FTO: variants seen among roughly 807,000 people sequenced by gnomAD.
FTO encodes FTO alpha-ketoglutarate dependent dioxygenase, also known as alpha-ketoglutarate-dependent dioxygenase FTO.
Under a neutral mutation model 63.9 loss-of-function variants are expected in FTO, and 47 were observed. The ratio of observed to expected loss-of-function variants is 0.74; its 90% confidence interval spans 0.58 to 0.94. The LOEUF is 0.94. Ranked by LOEUF, FTO falls within the 40% of genes least tolerant of loss-of-function variation. The pLI, the probability that FTO is intolerant of heterozygous loss-of-function variation, is 0.00. For synonymous variants in FTO, 207 were observed against 224.4 expected (o/e 0.92, Z 0.69); for missense variants, 562 against 618.1 (o/e 0.91, Z 0.96).
chr16:53,870,383 C>T (rs2080461046), intron 4 of FTO, among the ~76,000 whole-genome samples: 1 of 152,176 alleles, frequency 6.6e-6, no homozygotes, highest in South Asian at 2.1e-4. Flanking sequence ...GACTTTTTAA[C>T]TCTCAGTCCC....
chr16:53,722,742 C>T (rs759744610), intron 1 of FTO, among the ~76,000 whole-genome samples: 2 of 151,690 alleles, frequency 1.3e-5, no homozygotes, highest in South Asian at 2.1e-4. Context: ...GCGGGAGAAT[C>T]GCTTGAACCC....
At chr16:53,867,976 ATCTGC>A (rs71380049) in intron 4 of FTO, among the ~76,000 whole-genome samples, 57,403 of 151,536 alleles carry the variant, frequency 0.38, 12,370 homozygotes, top group East Asian at 0.71. Context: ...TTGCTCTGAA[ATCTGC>A]TCTGTCTGAA....
chr16:54,014,551 C>A (rs1434681414), intron 8 of FTO, among the ~76,000 whole-genome samples: 1 of 152,004 alleles, frequency 6.6e-6, no homozygotes, highest in African/African-American at 2.4e-5. Context: ...AAATAAACTT[C>A]TTTTTTTATA....
At chr16:53,715,868 T>C (rs1221390748) in intron 1 of FTO, among the ~76,000 whole-genome samples, 2 of 152,198 alleles carry the variant, frequency 1.3e-5, no homozygotes, top group African/African-American at 4.8e-5. Flanking sequence ...ACATTCTCTG[T>C]AGAGTTCATT....
At chr16:53,932,845 C>T (rs1429246710) in intron 7 of FTO, among the ~76,000 whole-genome samples, 1 of 152,160 alleles carries the variant, frequency 6.6e-6, no homozygotes, top group Non-Finnish European at 1.5e-5. Context: ...GATAAATTGC[C>T]TCAGCATTTT....
At chr16:53,825,745 A>C in intron 2 of FTO, 119 bp from the exon 3 acceptor site, 1 of 1,125,662 alleles carries the variant, frequency 8.9e-7, no homozygotes, top group Middle Eastern at 2.9e-4. Context: ...TCCTATTTAG[A>C]AATAGCCACC....
chr16:54,111,104 A>T (rs2086874282), intron 8 of FTO, among the ~76,000 whole-genome samples: 1 of 152,212 alleles, frequency 6.6e-6, no homozygotes, highest in Non-Finnish European at 1.5e-5. Context: ...ACCGTGATTT[A>T]AGTGTTTTCC....
chr16:53,722,942 G>A (rs979930320), intron 1 of FTO, among the ~76,000 whole-genome samples: 1 of 152,096 alleles, frequency 6.6e-6, no homozygotes, highest in Non-Finnish European at 1.5e-5. Flanking sequence ...CTATCACTGT[G>A]TTTTTTAAAA....
At chr16:53,895,736 T>C (rs1244543393) in intron 7 of FTO, among the ~76,000 whole-genome samples, 2 of 152,194 alleles carry the variant, frequency 1.3e-5, no homozygotes, top group African/African-American at 2.4e-5. Context: ...TCCTAGGATG[T>C]GCCTGGTACA....
intron 8 of FTO, among the ~76,000 whole-genome samples, chr16:54,061,381 A>G (rs1184345064): frequency 3.9e-5 from 6 of 152,158 alleles, no homozygotes; most frequent in Non-Finnish European, 8.8e-5. Flanking sequence ...ATTACATTAA[A>G]TTTCCCATCA....
intron 8 of FTO, chr16:53,979,541 GT>G: frequency 3.6e-6 from 1 of 279,742 alleles, no homozygotes; most frequent in Non-Finnish European, 6.3e-6. Context: ...ATGGCTGTGT[GT>G]GTGTGTGTGT....
chr16:53,802,284 G>C (rs903945669), intron 1 of FTO, among the ~76,000 whole-genome samples: 5 of 151,936 alleles, frequency 3.3e-5, no homozygotes, highest in Middle Eastern at 3.2e-3. Flanking sequence ...CAATATAAAT[G>C]CTATATAAAT....
At position 54,080,592 on chromosome 16, in the gene FTO, C is replaced by T. The variant is rs533144323; in HGVS notation, c.1365-31170C>T. Among the ~76,000 whole-genome samples, 54 of 152,332 alleles carry T rather than the reference C, an allele frequency of 3.5e-4. No homozygotes were observed. In the South Asian group the frequency reaches 4.6e-3, roughly 13 times the overall value. ...CTCTGTTAGCTAAACTGAGGAACCA[C>T]AGGCAGGGTGGCCTTGAATTTCAGG... On this transcript the variant is annotated intron_variant, in intron 8 of 8. Coordinates refer to ENST00000471389, the MANE Select transcript of FTO (RefSeq NM_001080432.3).
intron 1 of FTO, among the ~76,000 whole-genome samples, chr16:53,796,918 C>G (rs1231614080): frequency 6.6e-6 from 1 of 152,180 alleles, no homozygotes; most frequent in Non-Finnish European, 1.5e-5. Flanking sequence ...TAATTTGTGT[C>G]CCTCAGAAAT....
chr16:53,716,050 G>T (rs1470867193), intron 1 of FTO, among the ~76,000 whole-genome samples: 1 of 152,196 alleles, frequency 6.6e-6, no homozygotes, highest in Non-Finnish European at 1.5e-5. Context: ...AGTCTACTGT[G>T]AATGTGTACT....
intron 8 of FTO, among the ~76,000 whole-genome samples, chr16:54,056,553 T>G (rs1438949805): frequency 6.6e-6 from 1 of 152,218 alleles, no homozygotes; most frequent in East Asian, 1.9e-4. Flanking sequence ...GTGTGGCCAC[T>G]TATGATCTCT....
intron 7 of FTO, among the ~76,000 whole-genome samples, chr16:53,917,015 T>C (rs969156275): frequency 5.9e-5 from 9 of 152,134 alleles, no homozygotes; most frequent in Non-Finnish European, 1.3e-4. Context: ...AGAAGTCCAG[T>C]CACCACTTCT....
intron 8 of FTO, among the ~76,000 whole-genome samples, chr16:54,048,216 A>AAAAAAAT (rs143035248): frequency 3.5e-5 from 5 of 143,342 alleles, no homozygotes; most frequent in Non-Finnish European, 6.0e-5. Context: ...TTTAATGTAA[A>AAAAAAAT]AAAAAATAAA....
intron 8 of FTO, among the ~76,000 whole-genome samples, chr16:54,079,844 C>A (rs2086097270): frequency 6.6e-6 from 1 of 152,162 alleles, no homozygotes; most frequent in Non-Finnish European, 1.5e-5. Context: ...AGTCAAAAAT[C>A]TGGACTTTTT....
Sources: allele counts gnomAD v4.1 joint callset (sites outside exome capture counted in the v4.1 genomes callset), GRCh38; gene constraint gnomAD v4.1.1; transcripts MANE v1.5; gene names NCBI Gene and HGNC (gene_info 2026-07-23, HGNC 2026-07-21).